CSGALNACT1: variants seen among roughly 807,000 people sequenced by gnomAD.
The protein encoded by CSGALNACT1 is chondroitin sulfate N-acetylgalactosaminyltransferase 1.
Under a neutral mutation model 51.0 loss-of-function variants are expected in CSGALNACT1, and 52 were observed. That is an observed-to-expected ratio of 1.02 (90% CI 0.82 to 1.29). CSGALNACT1 has a LOEUF of 1.29. Ranked by LOEUF, CSGALNACT1 falls within the 50% of genes most tolerant of loss-of-function variation. CSGALNACT1 has a pLI of 0.00. For missense variants in CSGALNACT1, 935 were observed against 679.2 expected, an observed-to-expected ratio of 1.38 and a Z score of -4.19; for synonymous variants, 341 against 254.4, an observed-to-expected ratio of 1.34 and a Z score of -3.24.
intron 4 of CSGALNACT1, among the ~76,000 whole-genome samples, chr8:19,479,347 G>A (rs1337492319): frequency 6.6e-6 from 1 of 152,166 alleles, no homozygotes; most frequent in East Asian, 1.9e-4. Context: ...ATGGGAAAAA[G>A]TCCATTAAGG....
In CSGALNACT1 at chr8:19,706,984, C is replaced by T. The variant is rs939994888; in HGVS notation, c.-297+50866G>A. On this transcript the variant is annotated intron_variant, in intron 1 of 1. Transcript: ENST00000517494. ...CAGTCCTAGAGCTAAAAATATTTCA[C>T]ATAAGGGAAGCTGGTAACACTAAGG... 3.9e-5 allele frequency among the ~76,000 whole-genome samples: 6 copies of T among 152,144 alleles called. No individual in the cohort carries two copies. The East Asian group carries it at 7.7e-4, about 20-fold the overall frequency.
Position 19,440,145 on chromosome 8 carries a change from T to A in CSGALNACT1, c.852-214A>T, listed in dbSNP as rs1335704281. On this transcript the variant is annotated intron_variant, in intron 5 of 9. Transcript: ENST00000454498. ...TCGGGACAACAAGGAAATTTAAACA[T>A]GCAGTAAATCAAAACTCTGATGCAA... Among the ~76,000 whole-genome samples the A allele has an allele frequency of 2.0e-5, 3 of 152,280 alleles. No individual in the cohort carries two copies. The South Asian group carries it at 6.2e-4, about 32-fold the overall frequency.
At chr8:19,446,555 T>C (rs979796477) in intron 5 of CSGALNACT1, among the ~76,000 whole-genome samples, 3 of 152,122 alleles carry the variant, frequency 2.0e-5, no homozygotes, top group Non-Finnish European at 4.4e-5. Context: ...AGAGTCTCGC[T>C]CTCTCACCCA....
At chr8:19,682,067 G>T (rs544446565) in intron 1 of CSGALNACT1, among the ~76,000 whole-genome samples, 85 of 152,324 alleles carry the variant, frequency 5.6e-4, no homozygotes, top group African/African-American at 1.9e-3. Flanking sequence ...TTTTGGACAA[G>T]AAACTTGAGG....
chr8:19,583,726 C>A (rs1034409563), intron 3 of CSGALNACT1, among the ~76,000 whole-genome samples: 2 of 152,216 alleles, frequency 1.3e-5, no homozygotes, highest in Non-Finnish European at 2.9e-5. Context: ...TCAGCTTATA[C>A]TCTTCATTCT....
At chr8:19,451,865 T>G (rs2063241480) in intron 5 of CSGALNACT1, among the ~76,000 whole-genome samples, 1 of 152,168 alleles carries the variant, frequency 6.6e-6, no homozygotes, top group Non-Finnish European at 1.5e-5. Flanking sequence ...TGGACCAAGA[T>G]TTTCCTTTTA....
chr8:19,668,079 G>C (rs180902080), intron 1 of CSGALNACT1, among the ~76,000 whole-genome samples: 152 of 152,276 alleles, frequency 1.0e-3, no homozygotes, highest in African/African-American at 3.0e-3. Flanking sequence ...TTTCCAGAGA[G>C]AGAAATACAA....
At chr8:19,610,774 G>A (rs931908210) in intron 1 of CSGALNACT1, among the ~76,000 whole-genome samples, 7 of 152,218 alleles carry the variant, frequency 4.6e-5, no homozygotes, top group Non-Finnish European at 5.9e-5. Flanking sequence ...CATGTGATCT[G>A]ATTCTTCCTG....
chr8:19,702,059 A>T (rs2061910552), intron 1 of CSGALNACT1, among the ~76,000 whole-genome samples: 1 of 152,164 alleles, frequency 6.6e-6, no homozygotes, highest in African/African-American at 2.4e-5. Flanking sequence ...ATAAGTGCCT[A>T]CCTGTTACAT....
intron 1 of CSGALNACT1, among the ~76,000 whole-genome samples, chr8:19,689,372 G>C (rs1239710569): frequency 6.6e-6 from 1 of 152,142 alleles, no homozygotes; most frequent in Non-Finnish European, 1.5e-5. Flanking sequence ...ACAGCCTTTT[G>C]AGCAGCCATC....
chr8:19,464,123 G>A (rs4072131), intron 4 of CSGALNACT1, among the ~76,000 whole-genome samples: 107,949 of 152,002 alleles, frequency 0.71, 38,501 homozygotes, highest in East Asian at 0.86. Context: ...CCTGCAAAAC[G>A]TTACACATTA....
At chr8:19,622,323 T>G (rs75241883) in intron 1 of CSGALNACT1, among the ~76,000 whole-genome samples, 5,454 of 152,266 alleles carry the variant, frequency 0.036, 267 homozygotes, top group East Asian at 0.19. Flanking sequence ...TTTATTAAAC[T>G]TGGCTACAAT....
At chr8:19,662,964 A>C (rs2058886359) in intron 1 of CSGALNACT1, among the ~76,000 whole-genome samples, 1 of 152,196 alleles carries the variant, frequency 6.6e-6, no homozygotes, top group African/African-American at 2.4e-5. Flanking sequence ...AGTGTCAGGC[A>C]CATCTGTAAT....
intron 3 of CSGALNACT1, among the ~76,000 whole-genome samples, chr8:19,579,419 C>T (rs1362296368): frequency 6.6e-6 from 1 of 152,240 alleles, no homozygotes; most frequent in Non-Finnish European, 1.5e-5. Flanking sequence ...GCCAACACTT[C>T]CAAAGGGGCA....
chr8:19,470,296 T>C (rs2067825635), intron 4 of CSGALNACT1, among the ~76,000 whole-genome samples: 1 of 152,042 alleles, frequency 6.6e-6, no homozygotes, highest in South Asian at 2.1e-4. Context: ...TGAAACAGAA[T>C]GAGGGAATTA....
At chr8:19,545,126 A>G (rs538632205) in intron 3 of CSGALNACT1, among the ~76,000 whole-genome samples, 1 of 152,228 alleles carries the variant, frequency 6.6e-6, no homozygotes, top group Non-Finnish European at 1.5e-5. Flanking sequence ...GCTAGAAAAT[A>G]TATTTTCCTC....
At chr8:19,642,814 G>T (rs903820878) in intron 1 of CSGALNACT1, among the ~76,000 whole-genome samples, 10 of 151,408 alleles carry the variant, frequency 6.6e-5, no homozygotes, top group Non-Finnish European at 1.2e-4. Flanking sequence ...TGGCTGTGGT[G>T]GGGACACAAA....
At chr8:19,518,347 T>C (rs538468412) in intron 3 of CSGALNACT1, among the ~76,000 whole-genome samples, 2 of 152,166 alleles carry the variant, frequency 1.3e-5, no homozygotes, top group African/African-American at 4.8e-5. Context: ...GTATTCAAGA[T>C]GGCAGCTCCA....
At position 19,457,620 on chromosome 8, in the gene CSGALNACT1, A is replaced by G. The variant is rs1310742580; in HGVS notation, c.851+806T>C. 5 of 1,253,452 alleles carry G rather than the reference A, an allele frequency of 4.0e-6. No individual in the cohort carries two copies. In the East Asian group the frequency reaches 2.2e-4, roughly 56 times the overall value. 77.6% of individuals were successfully genotyped at this position (1,253,452 alleles called of 1,614,324 possible). Reference sequence around the variant, plus strand: ...AGAGTAAGACTCCATCTCAAAAAAAAAGAAATAAAAAATCAGCTTGATCTT... The same window carrying G: ...AGAGTAAGACTCCATCTCAAAAAAAGAGAAATAAAAAATCAGCTTGATCTT... On this transcript the variant is annotated intron_variant, in intron 5 of 9. Transcript: ENST00000454498.
Sources: gnomAD v4.1 joint callset for allele counts (sites outside exome capture counted in the v4.1 genomes callset) on GRCh38, gnomAD v4.1.1 for gene constraint, MANE v1.5 for transcripts, NCBI Gene and HGNC (gene_info 2026-07-23, HGNC 2026-07-21) for gene names.